The following UGT2B7 variants were observed in gnomAD, a reference collection of about 807,000 sequenced individuals.
The protein encoded by UGT2B7 is UDP-glucuronosyltransferase 2B7.
Under a neutral mutation model 51.9 loss-of-function variants are expected in UGT2B7, and 51 were observed. That is an observed-to-expected ratio of 0.98 (90% CI 0.78 to 1.24). UGT2B7 has a LOEUF of 1.24. Ranked by LOEUF, UGT2B7 falls within the 50% of genes most tolerant of loss-of-function variation. UGT2B7 has a pLI of 0.00. For missense variants in UGT2B7, 727 were observed against 628.4 expected (o/e 1.16, Z -1.68); for synonymous variants, 225 against 211.6 (o/e 1.06, Z -0.55).
intron 3 of UGT2B7, 103 bp downstream of exon 3, chr4:69,103,041 A>G: frequency 6.6e-7 from 1 of 1,524,132 alleles, no homozygotes; most frequent in South Asian, 1.3e-5. Flanking sequence ...AAGTTGACCA[A>G]AAGTTGAAAA....
Position 69,080,547 on chromosome 4 carries a change from C to CA in UGT2B7, c.-158-8911dup, listed in dbSNP as rs200513314. Among the ~76,000 whole-genome samples, 267 of 132,934 alleles carry CA rather than the reference C, an allele frequency of 2.0e-3. 6 individuals carry two copies. Among genetic ancestry groups the CA allele is most frequent in the African/African-American group, 2.6e-3 (95 of 35,944 alleles). 87.2% of individuals were successfully genotyped at this position (132,934 alleles called of 152,430 possible). ...TGGGCAACAGAGCAAGACTCCGTCT[C>CA]AAAAAAAAAAAAAAGAAAATCTATC... On this transcript the variant is annotated intron_variant, in intron 1 of 5. Transcript: ENST00000502942.
intron 4 of UGT2B7, 115 bp downstream of exon 4, chr4:69,107,377 T>G: frequency 8.2e-7 from 1 of 1,220,872 alleles, no homozygotes; most frequent in Non-Finnish European, 1.1e-6. Flanking sequence ...AAATGTAACT[T>G]CTTTATATTG....
At chr4:69,098,090 T>C (rs1223790989) in intron 1 of UGT2B7, among the ~76,000 whole-genome samples, 1 of 152,012 alleles carries the variant, frequency 6.6e-6, no homozygotes, top group African/African-American at 2.4e-5. Context: ...GAACCAAAGA[T>C]AAAAGAATTA....
chr4:69,084,979 A>G (rs987329571), intron 1 of UGT2B7, among the ~76,000 whole-genome samples: 8 of 152,164 alleles, frequency 5.3e-5, no homozygotes, highest in Non-Finnish European at 4.4e-5. Context: ...CTTTGGGTAG[A>G]TGCCCAGTAA....
chr4:69,052,256 T>A (rs1025708205), intron 1 of UGT2B7, among the ~76,000 whole-genome samples: 1 of 151,928 alleles, frequency 6.6e-6, no homozygotes, highest in African/African-American at 2.4e-5. Context: ...GTTACAGCTG[T>A]CTTTAGACCC....
Position 69,058,196 on chromosome 4 carries a change from G to C in UGT2B7, c.-159+6594G>C, listed in dbSNP as rs145693805. Among the ~76,000 whole-genome samples the C allele has an allele frequency of 1.4e-3, 210 of 152,228 alleles. 2 individuals carry two copies. The highest frequency in any genetic ancestry group is 4.7e-3 in the African/African-American group (197 of 41,546). On this transcript the variant is annotated intron_variant, in intron 1 of 5. Transcript: ENST00000502942. ...AAAAAGAAAGCCACAGGAAAACCCAGTTTTGCAAGAACCACTGGAGGGAAG... is the reference window on the plus strand; with the variant it reads ...AAAAAGAAAGCCACAGGAAAACCCACTTTTGCAAGAACCACTGGAGGGAAG...
Position 69,112,800 on chromosome 4 carries a change from G to C in UGT2B7, c.*64G>C. The C allele has an allele frequency of 5.0e-6, 7 of 1,389,846 alleles. No homozygotes were observed. Among genetic ancestry groups the C allele is most frequent in the Non-Finnish European group, 6.6e-6 (7 of 1,059,886 alleles). 86.1% of individuals were successfully genotyped at this position (1,389,846 alleles called of 1,614,324 possible). On this transcript the variant is annotated 3_prime_UTR_variant, in exon 6 of 6. Coordinates refer to ENST00000305231, the MANE Select transcript of UGT2B7 (RefSeq NM_001074.4). ...AGACTACTTCAGTTTATTCCAGCAA[G>C]AAAGATTGTGATGCAAGATTTCTTT... is the stretch of plus-strand genomic sequence containing the variant.
At chr4:69,080,772 C>T (rs1718819839) in intron 1 of UGT2B7, among the ~76,000 whole-genome samples, 5 of 152,022 alleles carry the variant, frequency 3.3e-5, no homozygotes, top group African/African-American at 1.2e-4. Context: ...CACTCCTCAC[C>T]ATGGAATATC....
chr4:69,101,931 A>C (rs1251194315), intron 2 of UGT2B7, among the ~76,000 whole-genome samples: 4 of 152,164 alleles, frequency 2.6e-5, no homozygotes, highest in African/African-American at 9.7e-5. Flanking sequence ...GTTCTGGTGC[A>C]AGTGCTGCCT....
At chr4:69,058,700 C>T (rs1300641113) in intron 1 of UGT2B7, among the ~76,000 whole-genome samples, 1 of 152,116 alleles carries the variant, frequency 6.6e-6, no homozygotes, top group African/African-American at 2.4e-5. Context: ...GAAGGTTTTG[C>T]AGGCATGAAT....
chr4:69,054,963 C>T (rs1015448655), intron 1 of UGT2B7, among the ~76,000 whole-genome samples: 1 of 151,792 alleles, frequency 6.6e-6, no homozygotes, highest in Non-Finnish European at 1.5e-5. Context: ...CCAAAAGGAA[C>T]TTGTTTGTAC....
chr4:69,061,684 T>G (rs1296376143), intron 1 of UGT2B7, among the ~76,000 whole-genome samples: 1 of 152,172 alleles, frequency 6.6e-6, no homozygotes, highest in Non-Finnish European at 1.5e-5. Context: ...GAGACATGAT[T>G]AGGGTGTCAT....
intron 1 of UGT2B7, among the ~76,000 whole-genome samples, chr4:69,054,487 A>G (rs1718130484): frequency 6.6e-6 from 1 of 152,160 alleles, no homozygotes; most frequent in East Asian, 1.9e-4. Flanking sequence ...GTAGATACCA[A>G]AGCTTGCTCT....
intron 1 of UGT2B7, among the ~76,000 whole-genome samples, chr4:69,079,860 G>GT (rs113841748): frequency 0.038 from 5,548 of 145,594 alleles, 296 homozygotes; most frequent in African/African-American, 0.12. Flanking sequence ...TCCAATTTTT[G>GT]TTTTTTTTTT....
Position 69,098,698 on chromosome 4 carries a change from C to T in UGT2B7, c.870+10C>T, listed in dbSNP as rs1719326888. On this transcript the variant is annotated intron_variant, in intron 2 of 5. Coordinates refer to ENST00000305231, the MANE Select transcript of UGT2B7 (RefSeq NM_001074.4). ...CAAACCCCTGCCTAAGGTAAACATACTTTTGTTGGTTTTATTTTGTTGGCT... is the reference window on the plus strand; with the variant it reads ...CAAACCCCTGCCTAAGGTAAACATATTTTTGTTGGTTTTATTTTGTTGGCT... The T allele has an allele frequency of 6.2e-7, 1 of 1,604,312 alleles. No homozygotes were observed. Among genetic ancestry groups the T allele is most frequent in the East Asian group, 2.2e-5 (1 of 44,748 alleles).
chr4:69,055,837 T>A (rs1268486271), intron 1 of UGT2B7, among the ~76,000 whole-genome samples: 1 of 152,192 alleles, frequency 6.6e-6, no homozygotes, highest in Admixed American at 6.5e-5. Context: ...AGAAAAGGAT[T>A]CGCTCATCCT....
intron 1 of UGT2B7, among the ~76,000 whole-genome samples, chr4:69,060,183 C>A (rs1718312783): frequency 6.6e-6 from 1 of 152,212 alleles, no homozygotes. Context: ...AGACCTCCTG[C>A]ACTTGCTATG....
chr4:69,055,424 C>T (rs1197863362), intron 1 of UGT2B7, among the ~76,000 whole-genome samples: 1 of 150,936 alleles, frequency 6.6e-6, no homozygotes, highest in Non-Finnish European at 1.5e-5. Context: ...TCACAAACCC[C>T]TCAGACCCAA....
Position 69,096,683 on chromosome 4 carries a change from G to A in UGT2B7, c.163G>A (p.Val55Ile), listed in dbSNP as rs201563351. Reference protein sequence around the residue: ...ELIQRGHEVTVLASSASILFD... With the variant: ...ELIQRGHEVTILASSASILFD... ...TATTCAGAGAGGTCATGAGGTGACT[G>A]TACTGGCATCTTCAGCTTCCATTCT... The change falls in exon 1 of 6, where the codon GTA becomes ATA. Residue 55 changes from valine to isoleucine, a missense_variant. Val to Ile is a conservative substitution (Grantham distance 29). Transcript: ENST00000305231. 2.5e-6 allele frequency: 4 copies of A among 1,613,898 alleles called. No homozygotes were observed. The highest frequency in any genetic ancestry group is 2.5e-6 in the Non-Finnish European group (3 of 1,179,940).
Sources: allele counts gnomAD v4.1 joint callset (sites outside exome capture counted in the v4.1 genomes callset), GRCh38; gene constraint gnomAD v4.1.1; transcripts MANE v1.5; gene names NCBI Gene and HGNC (gene_info 2026-07-23, HGNC 2026-07-21).